TTBK2: variants seen among roughly 807,000 people sequenced by gnomAD.
TTBK2 encodes the protein tau-tubulin kinase 2.
A neutral mutation model predicts 110.8 loss-of-function variants in TTBK2; 28 were observed. The observed-to-expected ratio is 0.25, with a 90% CI of 0.19 to 0.35. The LOEUF is 0.35. TTBK2 is among the 10% of genes least tolerant of loss of function. The pLI, the probability that TTBK2 is intolerant of heterozygous loss-of-function variation, is 1.00. For synonymous variants in TTBK2, 532 were observed against 527.3 expected, an observed-to-expected ratio of 1.01 and a Z score of -0.12; for missense variants, 1,369 against 1,500.3, an observed-to-expected ratio of 0.91 and a Z score of 1.45.
chr15:42,883,377 CAAA>C (rs1213212728), intron 1 of TTBK2, among the ~76,000 whole-genome samples: 1 of 50,266 alleles, frequency 2.0e-5, no homozygotes. Context: ...AACTCCACCT[CAAA>C]AAAAAAAAAA....
At chr15:42,860,166 G>A (rs1284272546) in intron 3 of TTBK2, among the ~76,000 whole-genome samples, 2 of 151,784 alleles carry the variant, frequency 1.3e-5, no homozygotes, top group Non-Finnish European at 2.9e-5. Context: ...GAAAGGAACA[G>A]GTAACTATAT....
intron 6 of TTBK2, among the ~76,000 whole-genome samples, chr15:42,824,075 A>C (rs955020134): frequency 3.9e-5 from 6 of 152,088 alleles, no homozygotes; most frequent in Non-Finnish European, 8.8e-5. Flanking sequence ...TCTTTTTAAC[A>C]ATCAGCTCTC....
rs1410220002 is a variant in TTBK2 at position 42,763,086 on chromosome 15, A to T, written c.1999-9839T>A. 2.1e-3 allele frequency among the ~76,000 whole-genome samples: 229 copies of T among 106,792 alleles called. 2 individuals are homozygous for T. The highest frequency in any genetic ancestry group is 4.2e-3 in the Middle Eastern group (1 of 240). 70.1% of individuals were successfully genotyped at this position (106,792 alleles called of 152,430 possible). A position where few individuals can be genotyped will look rare whatever the true frequency, so the allele number is the denominator to read the frequency against. ...TAGGATGATTACAGTTAACAATTTT[A>T]TATATATATATATATACGTATATAT... On this transcript the variant is annotated intron_variant, in intron 13 of 14. Coordinates refer to ENST00000267890, the MANE Select transcript of TTBK2 (RefSeq NM_173500.4).
chr15:42,910,744 G>A (rs148814574), intron 1 of TTBK2, among the ~76,000 whole-genome samples: 7 of 152,280 alleles, frequency 4.6e-5, no homozygotes, highest in Admixed American at 2.6e-4. Context: ...CTATCTGGAT[G>A]TAAAAGGTAA....
intron 1 of TTBK2, among the ~76,000 whole-genome samples, chr15:42,913,015 C>G (rs953518120): frequency 1.3e-5 from 2 of 149,870 alleles, no homozygotes; most frequent in African/African-American, 4.9e-5. Flanking sequence ...GTCCCAGCTA[C>G]TCGGGAGGCT....
At chr15:42,805,070 A>C (rs1891402469) in intron 9 of TTBK2, among the ~76,000 whole-genome samples, 1 of 152,218 alleles carries the variant, frequency 6.6e-6, no homozygotes, top group Admixed American at 6.5e-5. Flanking sequence ...CTATAGCTAC[A>C]TCAAATATCC....
At chr15:42,899,941 A>T (rs1488353764) in intron 1 of TTBK2, among the ~76,000 whole-genome samples, 1 of 151,800 alleles carries the variant, frequency 6.6e-6, no homozygotes, top group Non-Finnish European at 1.5e-5. Context: ...AGCCTGGGTG[A>T]CAGAGCAAGA....
chr15:42,760,638 C>T (rs766107350), intron 13 of TTBK2, among the ~76,000 whole-genome samples: 1 of 152,014 alleles, frequency 6.6e-6, no homozygotes, highest in Non-Finnish European at 1.5e-5. Context: ...TGAAAGATCT[C>T]TACAAGTAAA....
chr15:42,844,892 T>G (rs780812004), intron 3 of TTBK2, among the ~76,000 whole-genome samples: 18 of 152,302 alleles, frequency 1.2e-4, no homozygotes, highest in Admixed American at 3.3e-4. Context: ...CAGGACGACC[T>G]ACTATATGCC....
intron 1 of TTBK2, among the ~76,000 whole-genome samples, chr15:42,920,220 G>C (rs544527724): frequency 1.8e-4 from 27 of 152,310 alleles, no homozygotes; most frequent in Admixed American, 3.9e-4. Flanking sequence ...GGGGCAAAAC[G>C]AGGCGGCAGC....
intron 3 of TTBK2, among the ~76,000 whole-genome samples, chr15:42,864,431 A>T (rs1172420183): frequency 6.6e-6 from 1 of 152,124 alleles, no homozygotes; most frequent in Non-Finnish European, 1.5e-5. Context: ...CTAAAAATAC[A>T]AAATTAGCCA....
intron 9 of TTBK2, among the ~76,000 whole-genome samples, chr15:42,805,775 G>C (rs1278021867): frequency 6.6e-6 from 1 of 152,098 alleles, no homozygotes; most frequent in Non-Finnish European, 1.5e-5. Flanking sequence ...ATCACTTCCA[G>C]GCCTGCTGTA....
chr15:42,799,875 GA>G (rs1396969047), intron 9 of TTBK2, among the ~76,000 whole-genome samples: 1 of 152,074 alleles, frequency 6.6e-6, no homozygotes, highest in Non-Finnish European at 1.5e-5. Context: ...AATTATTCAA[GA>G]TACAAAGTAA....
At chr15:42,803,407 T>A (rs1018766093) in intron 9 of TTBK2, among the ~76,000 whole-genome samples, 1 of 152,192 alleles carries the variant, frequency 6.6e-6, no homozygotes, top group Admixed American at 6.5e-5. Flanking sequence ...TGAAATATCA[T>A]TATGTGGCAC....
chr15:42,755,006 C>T (rs1472948596), intron 13 of TTBK2, among the ~76,000 whole-genome samples: 1 of 72,298 alleles, frequency 1.4e-5, no homozygotes, highest in African/African-American at 6.3e-5. Flanking sequence ...GAAGCTCCAT[C>T]TCAGGAAAAA....
intron 4 of TTBK2, among the ~76,000 whole-genome samples, chr15:42,838,661 C>G (rs1893093725): frequency 6.6e-6 from 1 of 151,924 alleles, no homozygotes; most frequent in South Asian, 2.1e-4. Flanking sequence ...ACTAAAAATA[C>G]AGAAATTAGC....
At chr15:42,911,115 CA>C (rs1354142732) in intron 1 of TTBK2, among the ~76,000 whole-genome samples, 1 of 150,236 alleles carries the variant, frequency 6.7e-6, no homozygotes, top group African/African-American at 2.4e-5. Flanking sequence ...CAAATGCATA[CA>C]AAAAATTGAA....
At chr15:42,799,098 G>A (rs937589001) in intron 9 of TTBK2, among the ~76,000 whole-genome samples, 4 of 152,072 alleles carry the variant, frequency 2.6e-5, no homozygotes, top group Non-Finnish European at 2.9e-5. Context: ...CACTGGGCGC[G>A]GTGGCTCAGG....
chr15:42,864,669 G>A (rs1894294803), intron 3 of TTBK2, among the ~76,000 whole-genome samples: 1 of 152,114 alleles, frequency 6.6e-6, no homozygotes, highest in Non-Finnish European at 1.5e-5. Flanking sequence ...AGAAATGAAG[G>A]AGAAATAGAC....
Sources: allele counts gnomAD v4.1 joint callset (sites outside exome capture counted in the v4.1 genomes callset), GRCh38; gene constraint gnomAD v4.1.1; transcripts MANE v1.5; gene names NCBI Gene and HGNC (gene_info 2026-07-23, HGNC 2026-07-21).